ESR1: variants seen among roughly 807,000 people sequenced by gnomAD.
ESR1 encodes estrogen receptor 1, also known as estrogen receptor.
In ESR1, 12 loss-of-function variants were observed where a neutral mutation model predicts 52.7. That is an observed-to-expected ratio of 0.23 (90% confidence interval 0.15 to 0.37). The LOEUF (loss-of-function observed/expected upper bound fraction) is 0.37. Among genes scored for constraint, ESR1 ranks in the 10% least tolerant of loss-of-function variants. The pLI is 1.00. For synonymous variants in ESR1, 305 were observed against 316.8 expected (o/e 0.96, Z 0.39); for missense variants, 584 against 779.7 (o/e 0.75, Z 2.99).
rs988084356 is a variant in ESR1, at chr6:151,990,315, T to G, written c.1097-21341T>G. ...CTGCATGTTATGTTAGAAAGAGTAGTGTTAGCTACCCTACCAAATTTACAT... is the reference window on the plus strand; with the variant it reads ...CTGCATGTTATGTTAGAAAGAGTAGGGTTAGCTACCCTACCAAATTTACAT... On this transcript the variant is annotated intron_variant, in intron 4 of 7. Coordinates refer to ENST00000206249, the MANE Select transcript of ESR1 (RefSeq NM_000125.4). 2.0e-5 allele frequency among the ~76,000 whole-genome samples: 3 copies of G among 152,000 alleles called. No homozygotes were observed. In the South Asian group the frequency reaches 6.2e-4, roughly 31 times the overall value.
intron 4 of ESR1, among the ~76,000 whole-genome samples, chr6:151,952,899 A>G (rs2036478222): frequency 6.6e-6 from 1 of 152,256 alleles, no homozygotes; most frequent in South Asian, 2.1e-4. Context: ...TTTAAATTAA[A>G]TAAATCATAT....
chr6:151,836,827 G>A (rs1333815957), intron 1 of ESR1, among the ~76,000 whole-genome samples: 1 of 152,174 alleles, frequency 6.6e-6, no homozygotes, highest in Non-Finnish European at 1.5e-5. Flanking sequence ...TTTCTAGGAA[G>A]TGGACATCTA....
At chr6:151,784,801 C>A (rs1208316753) in intron 2 of ESR1, among the ~76,000 whole-genome samples, 1 of 152,200 alleles carries the variant, frequency 6.6e-6, no homozygotes, top group African/African-American at 2.4e-5. Flanking sequence ...CCCCCCACCC[C>A]AACTTGTGCC....
At chr6:151,744,876 A>G (rs144836881) in intron 2 of ESR1, among the ~76,000 whole-genome samples, 59 of 152,334 alleles carry the variant, frequency 3.9e-4, no homozygotes, top group African/African-American at 1.4e-3. Context: ...ATTTAGAATT[A>G]ATGACTTGTA....
chr6:151,846,173 C>T (rs1191702595), intron 2 of ESR1, among the ~76,000 whole-genome samples: 1 of 152,046 alleles, frequency 6.6e-6, no homozygotes, highest in Non-Finnish European at 1.5e-5. Context: ...TGAGTGAAGA[C>T]CAGGAGGAAA....
chr6:151,769,496 TG>T (rs1391844239), intron 2 of ESR1, among the ~76,000 whole-genome samples: 2 of 152,054 alleles, frequency 1.3e-5, no homozygotes, highest in African/African-American at 4.8e-5. Flanking sequence ...GTGGAGTGAA[TG>T]GTGAGTCGTG....
intron 5 of ESR1, among the ~76,000 whole-genome samples, chr6:152,014,873 C>G (rs746660601): frequency 6.6e-6 from 1 of 151,958 alleles, no homozygotes; most frequent in African/African-American, 2.4e-5. Flanking sequence ...GTGGCTCTCT[C>G]AATTCTTAAC....
At chr6:151,929,932 G>C (rs1395455234) in intron 3 of ESR1, among the ~76,000 whole-genome samples, 1 of 151,282 alleles carries the variant, frequency 6.6e-6, no homozygotes, top group Non-Finnish European at 1.5e-5. Context: ...AGTTTTATTT[G>C]AGCAATGTAT....
At chr6:151,994,429 T>C (rs1404389668) in intron 4 of ESR1, among the ~76,000 whole-genome samples, 1 of 152,236 alleles carries the variant, frequency 6.6e-6, no homozygotes, top group African/African-American at 2.4e-5. Context: ...CTCTGGTCTC[T>C]GATTTGTATC....
At position 152,029,761 on chromosome 6, in the gene ESR1, C is replaced by G. The variant is rs549947820; in HGVS notation, c.1235+17967C>G. On this transcript the variant is annotated intron_variant, in intron 5 of 7. Coordinates refer to ENST00000206249, the MANE Select transcript of ESR1 (RefSeq NM_000125.4). ...AACTTCCCCAATCTAGCAAGGCAGG[C>G]CAACATTCACATTCAGGAAATACAG... Among the ~76,000 whole-genome samples, 17 of 152,230 alleles carry G rather than the reference C, an allele frequency of 1.1e-4. 1 individual carries two copies. In the South Asian group the frequency reaches 3.3e-3, roughly 30 times the overall value.
chr6:152,092,348 TTTG>T (rs1311611900), intron 6 of ESR1, among the ~76,000 whole-genome samples: 8 of 152,204 alleles, frequency 5.3e-5, no homozygotes, highest in Admixed American at 6.5e-5. Flanking sequence ...ACCATTCTGG[TTTG>T]TTGTTATTGT....
At chr6:151,730,297 G>A (rs1782146404) in intron 2 of ESR1, among the ~76,000 whole-genome samples, 1 of 151,914 alleles carries the variant, frequency 6.6e-6, no homozygotes, top group Non-Finnish European at 1.5e-5. Context: ...CACATCCCCT[G>A]TCTCGAGCTC....
chr6:152,023,338 G>A (rs1210681620), intron 5 of ESR1, among the ~76,000 whole-genome samples: 1 of 152,100 alleles, frequency 6.6e-6, no homozygotes, highest in Non-Finnish European at 1.5e-5. Flanking sequence ...AATAATGAGA[G>A]AATAATACAA....
chr6:151,950,874 G>A (rs897613891), intron 4 of ESR1, among the ~76,000 whole-genome samples: 6 of 151,830 alleles, frequency 4.0e-5, no homozygotes, highest in Non-Finnish European at 7.4e-5. Flanking sequence ...AATACAAAGT[G>A]TATTAAAAAT....
intron 2 of ESR1, among the ~76,000 whole-genome samples, chr6:151,746,703 GA>G (rs1783508974): frequency 6.6e-6 from 1 of 152,178 alleles, no homozygotes; most frequent in African/African-American, 2.4e-5. Flanking sequence ...AAAGTATTAT[GA>G]GAGAAAACAT....
chr6:151,930,157 A>G (rs1207443527), intron 3 of ESR1, among the ~76,000 whole-genome samples: 4 of 151,128 alleles, frequency 2.6e-5, no homozygotes, highest in African/African-American at 9.7e-5. Context: ...CTAATTTTGT[A>G]TTTTTAGTAG....
intron 3 of ESR1, among the ~76,000 whole-genome samples, chr6:151,935,206 C>T (rs2034210306): frequency 6.6e-6 from 1 of 152,124 alleles, no homozygotes; most frequent in Admixed American, 6.5e-5. Context: ...GTTAGTTTAC[C>T]ATCATCATCA....
intron 3 of ESR1, among the ~76,000 whole-genome samples, chr6:151,925,223 A>G (rs1562554801): frequency 6.6e-6 from 1 of 152,036 alleles, no homozygotes; most frequent in Non-Finnish European, 1.5e-5. Flanking sequence ...CATTTCTCTA[A>G]TGATTAGTGA....
At chr6:151,800,748 C>T (rs1226268842), upstream of ESR1, among the ~76,000 whole-genome samples, 4 of 152,082 alleles carry the variant, frequency 2.6e-5, no homozygotes, top group South Asian at 2.1e-4. Flanking sequence ...TACAGCTAAT[C>T]AATATTTTTT....
Sources: allele counts gnomAD v4.1 joint callset (sites outside exome capture counted in the v4.1 genomes callset), GRCh38; gene constraint gnomAD v4.1.1; transcripts MANE v1.5; gene names NCBI Gene and HGNC (gene_info 2026-07-23, HGNC 2026-07-21).